UBE2J2: variants seen among roughly 807,000 people sequenced by gnomAD.
The protein encoded by UBE2J2 is ubiquitin conjugating enzyme E2 J2.
UBE2J2 carries 5 observed loss-of-function variants against 28.6 expected under a neutral mutation model. The ratio of observed to expected loss-of-function variants is 0.17; its 90% CI spans 0.09 to 0.37. UBE2J2 has a LOEUF of 0.37. Ranked by LOEUF, UBE2J2 falls within the 10% of genes least tolerant of loss-of-function variation. The pLI, the probability that UBE2J2 is intolerant of heterozygous loss-of-function variation, is 1.00. For synonymous variants in UBE2J2, 138 were observed against 139.7 expected, an observed-to-expected ratio of 0.99 and a Z score of 0.09; for missense variants, 226 against 338.9, an observed-to-expected ratio of 0.67 and a Z score of 2.62.
In UBE2J2 at chr1:1,257,005, G is replaced by A. The variant is rs1639224236; in HGVS notation, c.401C>T (p.Thr134Met). 5.1e-6 allele frequency: 8 copies of A among 1,569,868 alleles called. No individual in the cohort carries two copies. The highest frequency in any genetic ancestry group is 6.9e-6 in the Non-Finnish European group (8 of 1,156,440). The change falls in exon 5 of 7, where the codon ACG becomes ATG. Residue 134 changes from threonine (T) to methionine (M), a missense_variant. Physicochemically the swap from Thr to Met is moderately conservative, Grantham distance 81 (BLOSUM62 -1). This residue lies in a region of UBE2J2 where 13 missense variants were observed against 63.0 expected (regional missense o/e 0.21). Transcript: ENST00000349431. ...EKGPTLGSIE[T>M]SDFTKRQLAV... ...TCTAAAACTTACCGTGAAGTCCGAC[G>A]TCTCTATACTGCCCAGGGTGGGGCC...
chr1:1,267,781 C>T, intron 2 of UBE2J2, 81 bp downstream of exon 2: 1 of 1,580,174 alleles, frequency 6.3e-7, no homozygotes, highest in Non-Finnish European at 8.6e-7. Flanking sequence ...ACTGGGGCAC[C>T]AGGCTCGCCC....
intron 3 of UBE2J2, among the ~76,000 whole-genome samples, chr1:1,258,150 C>T (rs1357737647): frequency 1.3e-5 from 2 of 151,996 alleles, no homozygotes; most frequent in Non-Finnish European, 2.9e-5. Context: ...AGTGATTATT[C>T]TGCCTCAGCC....
chr1:1,269,025 T>C (rs948709900), intron 1 of UBE2J2, among the ~76,000 whole-genome samples: 11 of 152,146 alleles, frequency 7.2e-5, no homozygotes, highest in African/African-American at 2.7e-4. Flanking sequence ...ATATCTTCTG[T>C]TAGGAAAGTC....
intron 2 of UBE2J2, chr1:1,266,078 G>A (rs556363218): frequency 1.9e-5 from 25 of 1,304,016 alleles, no homozygotes; most frequent in South Asian, 1.7e-4. Context: ...GGCGGCTACC[G>A]TGGAACTTGT....
chr1:1,262,227 C>CT (rs1465750398), intron 3 of UBE2J2: 4 of 431,950 alleles, frequency 9.3e-6, no homozygotes, highest in South Asian at 1.6e-5. Context: ...GTAACAAGTA[C>CT]TTTAACACGC....
intron 5 of UBE2J2, 81 bp from the exon 6 acceptor site, chr1:1,256,206 A>T: frequency 9.4e-7 from 1 of 1,063,130 alleles, no homozygotes; most frequent in Non-Finnish European, 1.4e-6. Context: ...TTTCAAAGTC[A>T]AGGGCTGCAG....
chr1:1,266,555 C>T (rs1043764530), intron 2 of UBE2J2, among the ~76,000 whole-genome samples: 2 of 152,072 alleles, frequency 1.3e-5, no homozygotes, highest in African/African-American at 4.8e-5. Context: ...GGCGTGGTGG[C>T]TCACGCCTGT....
chr1:1,263,114 G>A (rs925148069), intron 3 of UBE2J2: 2 of 514,104 alleles, frequency 3.9e-6, no homozygotes, highest in African/African-American at 1.9e-5. Context: ...GGTGTCAGAG[G>A]CTGGTGAACA....
At chr1:1,272,780 C>CT (rs1640225436) in intron 1 of UBE2J2, 1 of 157,954 alleles carries the variant, frequency 6.3e-6, no homozygotes, top group Non-Finnish European at 1.4e-5. Flanking sequence ...GTGCAGATGA[C>CT]GGACTGCAAG....
intron 3 of UBE2J2, among the ~76,000 whole-genome samples, chr1:1,261,651 G>GT (rs59207041): frequency 0.034 from 4,751 of 138,080 alleles, 96 homozygotes; most frequent in African/African-American, 0.058. Context: ...ACCCATTTTG[G>GT]TTTTTTTTTT....
chr1:1,267,038 G>A (rs1037311714), intron 2 of UBE2J2, among the ~76,000 whole-genome samples: 11 of 151,708 alleles, frequency 7.3e-5, no homozygotes, highest in East Asian at 2.0e-4. Context: ...ACAGGTGTGC[G>A]CCATCATGCC....
At chr1:1,267,672 G>A (rs924982129) in intron 2 of UBE2J2, 190 bp downstream of exon 2, 48 of 1,363,998 alleles carry the variant, frequency 3.5e-5, no homozygotes, top group African/African-American at 4.4e-5. Flanking sequence ...TGATGTCCCC[G>A]GCATGCGTCC....
At chr1:1,265,277 A>C (rs983077892) in intron 2 of UBE2J2, among the ~76,000 whole-genome samples, 3 of 152,178 alleles carry the variant, frequency 2.0e-5, no homozygotes, top group African/African-American at 7.2e-5. Flanking sequence ...GGGCTCTCGC[A>C]CTGACGCTGC....
In UBE2J2 at chr1:1,268,066, C is replaced by A; in HGVS notation, c.1-74G>T. On this transcript the variant is annotated intron_variant, in intron 1 of 6. Coordinates refer to ENST00000349431, the MANE Select transcript of UBE2J2 (RefSeq NM_058167.3). The surrounding 1 kb of genome is among the most constrained non-coding windows in gnomAD (Gnocchi z 4.7). Reference sequence around the variant, plus strand: ...AGCTCTCTCCCCTGGCGCAGCCCCACTCCCGCCTCTGCAGCCCGCCATTCA... The same window carrying A: ...AGCTCTCTCCCCTGGCGCAGCCCCAATCCCGCCTCTGCAGCCCGCCATTCA... 6.4e-7 allele frequency: 1 copy of A among 1,566,376 alleles called. No individual in the cohort carries two copies. Among genetic ancestry groups the A allele is most frequent in the Non-Finnish European group, 8.7e-7 (1 of 1,149,630 alleles).
chr1:1,255,352 C>T lies in UBE2J2; in HGVS notation c.631G>A (p.Gly211Arg). ...AGCCCTGCGAGGTTTGGGACGGCCCCCGGCGCATGCCCGTTGAGCAGCTGA... is the reference window on the plus strand; with the variant it reads ...AGCCCTGCGAGGTTTGGGACGGCCCTCGGCGCATGCCCGTTGAGCAGCTGA... ...GIQLLNGHAP[G>R]AVPNLAGLQQ... Residue 211 changes from glycine to arginine, a missense_variant, in exon 7 of 7, where the codon GGG becomes AGG. By Grantham distance (125) the Gly-to-Arg change is moderately radical (BLOSUM62 -2). Around this residue, in one of 3 missense-constraint regions of UBE2J2, gnomAD observed 133 missense variants for 161.5 expected, o/e 0.82. Coordinates refer to ENST00000349431, the MANE Select transcript of UBE2J2 (RefSeq NM_058167.3). 6.2e-7 allele frequency: 1 copy of T among 1,613,798 alleles called. No individual in the cohort carries two copies.
intron 1 of UBE2J2, among the ~76,000 whole-genome samples, chr1:1,270,055 G>A (rs114928099): frequency 0.042 from 6,367 of 152,228 alleles, 445 homozygotes; most frequent in African/African-American, 0.14. Context: ...TGGTTTATAA[G>A]GCAGTGTTCC....
At chr1:1,257,406 C>CCCCCCCCCCCCCCCCCCCCCTA (rs1553154847) in intron 3 of UBE2J2, 96 bp from the exon 4 acceptor site, 1 of 558,728 alleles carries the variant, frequency 1.8e-6, no homozygotes, top group African/African-American at 4.6e-5. Flanking sequence ...CCCCCCCCCC[C>CCCCCCCCCCCCCCCCCCCCCTA]CCTCAGCTCG....
rs552661105 is a variant in UBE2J2, at chr1:1,268,965, C to T, written c.1-973G>A. Among the ~76,000 whole-genome samples, 4 of 152,298 alleles carry T rather than the reference C, an allele frequency of 2.6e-5. No homozygotes were observed. In the South Asian group the frequency reaches 8.3e-4, roughly 32 times the overall value. On this transcript the variant is annotated intron_variant, in intron 1 of 6. Coordinates refer to ENST00000349431, the MANE Select transcript of UBE2J2 (RefSeq NM_058167.3). The surrounding 1 kb of genome is among the most constrained non-coding windows in gnomAD (Gnocchi z 4.7). ...GTGCTGGAATCACAGGCAGGAGCCA[C>T]GGTAACCCGGGCCCCACAGGGGTTT...
chr1:1,256,510 G>A (rs1029773017), intron 5 of UBE2J2, among the ~76,000 whole-genome samples: 3 of 152,212 alleles, frequency 2.0e-5, no homozygotes, highest in South Asian at 2.1e-4. Flanking sequence ...CGGGGAACAC[G>A]AGGCCACAGA....
Sources: gnomAD v4.1 joint callset for allele counts (sites outside exome capture counted in the v4.1 genomes callset) on GRCh38, gnomAD v4.1.1 for gene constraint, gnomAD v4.1.1 regional missense constraint, Gnocchi (gnomAD v3.1) non-coding constraint, MANE v1.5 for transcripts, NCBI Gene and HGNC (gene_info 2026-07-23, HGNC 2026-07-21) for gene names.